SNTB1: variants seen among roughly 807,000 people sequenced by gnomAD.
SNTB1 encodes beta-1-syntrophin.
In SNTB1, 36 loss-of-function variants were observed where a neutral mutation model predicts 48.9. The ratio of observed to expected loss-of-function variants is 0.74; its 90% CI spans 0.56 to 0.97. The LOEUF (loss-of-function observed/expected upper bound fraction) is 0.97, where lower values mean the gene tolerates loss of function less well. SNTB1 is among the 50% of genes least tolerant of loss of function. The pLI, the probability that SNTB1 is intolerant of heterozygous loss-of-function variation, is 0.00. For missense variants in SNTB1, 786 were observed against 703.4 expected (o/e 1.12, Z -1.33); for synonymous variants, 299 against 294.6 (o/e 1.01, Z -0.15).
At chr8:120,725,629 C>T (rs1474325512) in intron 1 of SNTB1, among the ~76,000 whole-genome samples, 4 of 152,124 alleles carry the variant, frequency 2.6e-5, no homozygotes, top group African/African-American at 9.7e-5. Flanking sequence ...ATTAATTTTG[C>T]ACCAACCTAA....
At chr8:120,790,388 G>A (rs1820007801) in intron 1 of SNTB1, among the ~76,000 whole-genome samples, 1 of 151,994 alleles carries the variant, frequency 6.6e-6, no homozygotes, top group African/African-American at 2.4e-5. Context: ...CCTAGACAGA[G>A]CAATCAGGCA....
chr8:120,807,604 G>C (rs10108835), intron 1 of SNTB1, among the ~76,000 whole-genome samples: 34,983 of 152,186 alleles, frequency 0.23, 4,340 homozygotes, highest in Middle Eastern at 0.32. Flanking sequence ...TGGTAGGGCT[G>C]GGCCATGTTA....
chr8:120,780,321 T>C lies in SNTB1; in HGVS notation c.571+30952A>G, dbSNP rs146047943. Among the ~76,000 whole-genome samples the C allele has an allele frequency of 5.0e-3, 768 of 152,352 alleles. 8 individuals are homozygous for C. Among genetic ancestry groups the C allele is most frequent in the African/African-American group, 0.018 (744 of 41,580 alleles). On this transcript the variant is annotated intron_variant, in intron 1 of 6. Transcript: ENST00000517992. The stretch of plus-strand genomic sequence containing the variant: ...ATGCTTTAATATTTATCTGTGACTA[T>C]TGCATATACAGTAGCTAAATATGAA...
chr8:120,647,743 T>A (rs1438845562), intron 2 of SNTB1, among the ~76,000 whole-genome samples: 185 of 70,444 alleles, frequency 2.6e-3, no homozygotes, highest in Non-Finnish European at 4.1e-3. Flanking sequence ...GTCTCGTTGA[T>A]CTGTCTAATG....
At chr8:120,756,430 G>A (rs1202786685) in intron 1 of SNTB1, among the ~76,000 whole-genome samples, 4 of 152,200 alleles carry the variant, frequency 2.6e-5, no homozygotes, top group Admixed American at 1.3e-4. Context: ...CTGGGGTAAC[G>A]ATGTGATAAA....
chr8:120,540,047 G>T (rs2130640728), intron 6 of SNTB1, among the ~76,000 whole-genome samples: 1 of 152,282 alleles, frequency 6.6e-6, no homozygotes, highest in Non-Finnish European at 1.5e-5. Context: ...CACTAACACA[G>T]AAGGAAACTT....
At chr8:120,669,015 C>T (rs1817717739) in intron 2 of SNTB1, among the ~76,000 whole-genome samples, 1 of 152,132 alleles carries the variant, frequency 6.6e-6, no homozygotes, top group African/African-American at 2.4e-5. Flanking sequence ...GGGACAAGGG[C>T]ATAAGACTGA....
intron 3 of SNTB1, among the ~76,000 whole-genome samples, chr8:120,598,075 TG>T (rs1327699170): frequency 6.6e-6 from 1 of 152,198 alleles, no homozygotes; most frequent in Non-Finnish European, 1.5e-5. Flanking sequence ...TTCTGCTCAC[TG>T]GGAAAACTAT....
At chr8:120,798,579 T>G (rs983056728) in intron 1 of SNTB1, among the ~76,000 whole-genome samples, 6 of 152,038 alleles carry the variant, frequency 3.9e-5, no homozygotes, top group Admixed American at 1.3e-4. Context: ...CCTTTTTAGT[T>G]CAATGAATCT....
At chr8:120,594,423 A>C (rs1445516356) in intron 3 of SNTB1, among the ~76,000 whole-genome samples, 2 of 152,134 alleles carry the variant, frequency 1.3e-5, no homozygotes, top group Admixed American at 6.5e-5. Context: ...TTTTTAGTAG[A>C]GGTGGAGTTT....
At chr8:120,722,516 ATG>A (rs1297679461) in intron 1 of SNTB1, among the ~76,000 whole-genome samples, 1 of 152,112 alleles carries the variant, frequency 6.6e-6, no homozygotes, top group African/African-American at 2.4e-5. Flanking sequence ...GCATTTTTTC[ATG>A]TGTCTTTCGG....
At chr8:120,580,348 GCTTA>G (rs1816025375) in intron 3 of SNTB1, among the ~76,000 whole-genome samples, 1 of 152,216 alleles carries the variant, frequency 6.6e-6, no homozygotes, top group Admixed American at 6.5e-5. Flanking sequence ...GACGTGAACA[GCTTA>G]CTTAAGTGCT....
In SNTB1 at chr8:120,707,752, T is replaced by C. The variant is rs1818401078; in HGVS notation, c.572-13844A>G. 2.6e-5 allele frequency among the ~76,000 whole-genome samples: 4 copies of C among 152,182 alleles called. No individual in the cohort carries two copies. In the South Asian group the frequency reaches 8.3e-4, roughly 31 times the overall value. ...ACCTGGAATTTGATCCCACATCTTA[T>C]AAATCTAATTTGAAAATCCCTTTCA... On this transcript the variant is annotated intron_variant, in intron 1 of 6. Coordinates refer to ENST00000517992, the MANE Select transcript of SNTB1 (RefSeq NM_021021.4).
intron 2 of SNTB1, among the ~76,000 whole-genome samples, chr8:120,664,866 T>C (rs763253175): frequency 5.9e-5 from 9 of 152,210 alleles, no homozygotes; most frequent in Admixed American, 1.3e-4. Context: ...TCAGAGTGAC[T>C]GTACCATTTT....
chr8:120,583,514 AACACACACAC>A (rs10524445), intron 3 of SNTB1, among the ~76,000 whole-genome samples: 56,142 of 143,002 alleles, frequency 0.39, 13,032 homozygotes, highest in Non-Finnish European at 0.52. Flanking sequence ...TCCGTCTCAA[AACACACACAC>A]ACACACACAC....
At chr8:120,616,339 A>T (rs938826713) in intron 3 of SNTB1, among the ~76,000 whole-genome samples, 7 of 146,266 alleles carry the variant, frequency 4.8e-5, no homozygotes, top group Admixed American at 2.1e-4. Context: ...TCACTCTTTC[A>T]CATGGCCTGG....
chr8:120,586,017 C>T (rs1042351675), intron 3 of SNTB1, among the ~76,000 whole-genome samples: 5 of 152,156 alleles, frequency 3.3e-5, no homozygotes, highest in Non-Finnish European at 4.4e-5. Context: ...ACACTGGACA[C>T]AAAACACATC....
At chr8:120,669,069 A>G (rs567241079) in intron 2 of SNTB1, among the ~76,000 whole-genome samples, 2 of 152,348 alleles carry the variant, frequency 1.3e-5, no homozygotes, top group East Asian at 1.9e-4. Context: ...AACCATCTCC[A>G]TGGGGGCTCC....
At chr8:120,759,356 A>G (rs1563592712) in intron 1 of SNTB1, among the ~76,000 whole-genome samples, 2 of 152,104 alleles carry the variant, frequency 1.3e-5, no homozygotes, top group Non-Finnish European at 2.9e-5. Flanking sequence ...ACCCTTTATA[A>G]ATGTTTAGGA....
Sources: gnomAD v4.1 joint callset for allele counts (sites outside exome capture counted in the v4.1 genomes callset) on GRCh38, gnomAD v4.1.1 for gene constraint, MANE v1.5 for transcripts, NCBI Gene and HGNC (gene_info 2026-07-23, HGNC 2026-07-21) for gene names.